Variants in SLC35F3 observed in about 807,000 individuals in gnomAD.
SLC35F3 encodes solute carrier family 35 member F3.
Under a neutral mutation model 49.9 loss-of-function variants are expected in SLC35F3, and 25 were observed. The ratio of observed to expected loss-of-function variants is 0.50; its 90% CI spans 0.37 to 0.70. SLC35F3 has a LOEUF of 0.70. SLC35F3 is among the 30% of genes least tolerant of loss of function. The pLI, the probability that SLC35F3 is intolerant of heterozygous loss-of-function variation, is 0.00. For synonymous variants in SLC35F3, 275 were observed against 265.4 expected (o/e 1.04, Z -0.35); for missense variants, 525 against 639.8 (o/e 0.82, Z 1.94).
chr1:234,117,598 A>AAC (rs1457789801), intron 2 of SLC35F3, among the ~76,000 whole-genome samples: 2 of 128,336 alleles, frequency 1.6e-5, no homozygotes, highest in Non-Finnish European at 3.4e-5. Flanking sequence ...TCTAAAAAAA[A>AAC]AAAACAGGCT....
At chr1:234,162,381 C>CAA (rs147145054) in intron 2 of SLC35F3, among the ~76,000 whole-genome samples, 6 of 58,544 alleles carry the variant, frequency 1.0e-4, no homozygotes, top group Admixed American at 3.1e-4. Context: ...AGCCTCTGTG[C>CAA]AAAAAAAAAA....
Position 234,231,029 on chromosome 1 carries a change from A to T in SLC35F3, c.284-388A>T, listed in dbSNP as rs1247522011. ...TCAACTGACATAAATGAGAGTGGAG[A>T]TATTTCAGCTGCTCTGTGTGTTCTG... On this transcript the variant is annotated intron_variant, in intron 2 of 7. Transcript: ENST00000366618. This position sits in a 1 kb window ranked among gnomAD's most constrained non-coding sequence, Gnocchi z 5.4. 1.3e-5 allele frequency among the ~76,000 whole-genome samples: 2 copies of T among 152,108 alleles called. No homozygotes were observed. Among genetic ancestry groups the T allele is most frequent in the African/African-American group, 4.8e-5 (2 of 41,414 alleles).
At chr1:233,947,649 A>G (rs185392076) in intron 2 of SLC35F3, among the ~76,000 whole-genome samples, 91 of 150,312 alleles carry the variant, frequency 6.1e-4, no homozygotes, top group African/African-American at 1.9e-3. Context: ...AGGCGTTTCT[A>G]TGATAGACTT....
intron 2 of SLC35F3, among the ~76,000 whole-genome samples, chr1:233,956,536 C>T (rs1383003043): frequency 1.3e-5 from 2 of 152,164 alleles, no homozygotes; most frequent in African/African-American, 2.4e-5. Context: ...TTCTTCTTCC[C>T]CTATGGAAGA....
intron 4 of SLC35F3, 98 bp from the exon 5 acceptor site, chr1:234,316,504 G>A (rs946647147): frequency 6.9e-7 from 1 of 1,457,414 alleles, no homozygotes; most frequent in Non-Finnish European, 9.2e-7. Context: ...CCCCTCACGT[G>A]GCTGAACCCC....
rs1164069772 is a variant in SLC35F3, at chr1:234,320,560, A to G, written c.1237+373A>G. On this transcript the variant is annotated intron_variant, in intron 7 of 7. Transcript: ENST00000366618. The surrounding 1 kb of genome is among the most constrained non-coding windows in gnomAD (Gnocchi z 4.8). ...AGAATGAATCTCATCAGCATTATTAACAAATGTAGGAAATGATGTAGCAGA... is the reference window on the plus strand; with the variant it reads ...AGAATGAATCTCATCAGCATTATTAGCAAATGTAGGAAATGATGTAGCAGA... Among the ~76,000 whole-genome samples, 1 of 152,198 alleles carries G rather than the reference A, an allele frequency of 6.6e-6. No homozygotes were observed. Among genetic ancestry groups the G allele is most frequent in the African/African-American group, 2.4e-5 (1 of 41,434 alleles).
chr1:233,933,322 A>AT lies in SLC35F3; in HGVS notation c.283+27574dup, dbSNP rs937879273. ...AACCAAATTATTGTTGTATACCGTT[A>AT]TTTTTTTTTTACTAAAAAGTTATTT... On this transcript the variant is annotated intron_variant, in intron 2 of 7. Transcript: ENST00000366618. Among the ~76,000 whole-genome samples, 74 of 148,884 alleles carry AT rather than the reference A, an allele frequency of 5.0e-4. 1 individual carries two copies. The highest frequency in any genetic ancestry group is 2.8e-3 in the Admixed American group (42 of 14,932).
At chr1:233,919,113 G>C (rs938874556) in intron 2 of SLC35F3, among the ~76,000 whole-genome samples, 3 of 152,110 alleles carry the variant, frequency 2.0e-5, no homozygotes, top group Admixed American at 2.0e-4. Flanking sequence ...AAATGTCATT[G>C]CTTCAGCCAA....
chr1:234,158,303 A>G (rs904667431), intron 2 of SLC35F3, among the ~76,000 whole-genome samples: 9 of 152,210 alleles, frequency 5.9e-5, no homozygotes, highest in Non-Finnish European at 8.8e-5. Flanking sequence ...AAACTAATAC[A>G]TATCTATTGT....
chr1:234,017,197 A>G (rs1663813646), intron 2 of SLC35F3, among the ~76,000 whole-genome samples: 1 of 152,160 alleles, frequency 6.6e-6, no homozygotes, highest in African/African-American at 2.4e-5. Flanking sequence ...TAAGCTGCCA[A>G]CACCAAAGCT....
rs115282685 is a variant in SLC35F3 at position 234,103,652 on chromosome 1, A to T, written c.284-127765A>T. ...TCGTTGGCCCAGACCTCTAAGCAAG[A>T]TCTTCCTGTCAGGGGCAGACTCTGC... On this transcript the variant is annotated intron_variant, in intron 2 of 7. Transcript: ENST00000366618. 7.7e-3 allele frequency among the ~76,000 whole-genome samples: 1,180 copies of T among 152,286 alleles called. 10 individuals carry two copies. Among genetic ancestry groups the T allele is most frequent in the Non-Finnish European group, 0.012 (802 of 68,010 alleles).
intron 3 of SLC35F3, among the ~76,000 whole-genome samples, chr1:234,244,256 G>C (rs1025531271): frequency 2.6e-5 from 4 of 152,162 alleles, no homozygotes; most frequent in African/African-American, 9.7e-5. Flanking sequence ...TTTTTAAAGA[G>C]TATCTGGACA....
intron 2 of SLC35F3, among the ~76,000 whole-genome samples, chr1:234,122,707 C>T (rs1474253775): frequency 6.6e-6 from 1 of 152,102 alleles, no homozygotes; most frequent in Non-Finnish European, 1.5e-5. Context: ...TTTATGAGAA[C>T]CTGTGGTGTT....
intron 2 of SLC35F3, among the ~76,000 whole-genome samples, chr1:234,227,392 C>CTTTTTTTTTTTTTTTTTTTTTT (rs369277069): frequency 9.2e-6 from 1 of 108,668 alleles, no homozygotes; most frequent in African/African-American, 2.6e-5. Context: ...CTCTTTCTTT[C>CTTTTTTTTTTTTTTTTTTTTTT]TTTTTTTTTT....
At chr1:233,920,410 C>T (rs960328455) in intron 2 of SLC35F3, among the ~76,000 whole-genome samples, 2 of 152,104 alleles carry the variant, frequency 1.3e-5, no homozygotes, top group African/African-American at 4.8e-5. Context: ...TCATGCCAAC[C>T]GTGAAGGAGG....
chr1:234,186,250 A>G lies in SLC35F3; in HGVS notation c.284-45167A>G, dbSNP rs73108467. ...GCTTCAAAGCATTGCTCAAGCATGC[A>G]GTGGGCTCCGCTCTGCTGAGTCAGA... On this transcript the variant is annotated intron_variant, in intron 2 of 7. Transcript: ENST00000366618. Among the ~76,000 whole-genome samples the G allele has an allele frequency of 9.9e-3, 1,503 of 151,916 alleles. 35 individuals carry two copies. The highest frequency in any genetic ancestry group is 0.034 in the African/African-American group (1,426 of 41,420).
At chr1:234,305,797 C>T (rs543864219) in intron 3 of SLC35F3, among the ~76,000 whole-genome samples, 8 of 152,200 alleles carry the variant, frequency 5.3e-5, no homozygotes, top group South Asian at 2.1e-4. Context: ...TTAATTAAAC[C>T]GTGTAATTGA....
intron 3 of SLC35F3, among the ~76,000 whole-genome samples, chr1:234,256,934 T>C (rs1440649310): frequency 6.6e-6 from 1 of 152,238 alleles, no homozygotes; most frequent in Non-Finnish European, 1.5e-5. Flanking sequence ...CGCTTCAGGC[T>C]GCAACTGTTT....
At chr1:234,041,467 A>G (rs548729541) in intron 2 of SLC35F3, among the ~76,000 whole-genome samples, 2 of 152,018 alleles carry the variant, frequency 1.3e-5, no homozygotes, top group East Asian at 3.9e-4. Context: ...CACCCAATCT[A>G]ACTGCAAAGG....
Sources: gnomAD v4.1 joint callset for allele counts (sites outside exome capture counted in the v4.1 genomes callset) on GRCh38, gnomAD v4.1.1 for gene constraint, Gnocchi (gnomAD v3.1) non-coding constraint, MANE v1.5 for transcripts, NCBI Gene and HGNC (gene_info 2026-07-23, HGNC 2026-07-21) for gene names.